The following DEPDC5 variants were observed in gnomAD, a reference collection of about 807,000 sequenced individuals.
DEPDC5 encodes the protein GATOR1 complex protein DEPDC5.
A neutral mutation model predicts 217.3 loss-of-function variants in DEPDC5; 73 were observed. The ratio of observed to expected loss-of-function variants is 0.34; its 90% confidence interval spans 0.28 to 0.41. DEPDC5 has a LOEUF of 0.41. Among genes scored for constraint, DEPDC5 ranks in the 10% least tolerant of loss-of-function variants. The pLI, the probability that DEPDC5 is intolerant of heterozygous loss-of-function variation, is 1.00. For synonymous variants in DEPDC5, 733 were observed against 756.7 expected, an observed-to-expected ratio of 0.97 and a Z score of 0.51; for missense variants, 1,675 against 2,070.1, an observed-to-expected ratio of 0.81 and a Z score of 3.70.
chr22:31,780,297 T>A (rs1181746318), intron 8 of DEPDC5, among the ~76,000 whole-genome samples: 3 of 151,476 alleles, frequency 2.0e-5, no homozygotes, highest in African/African-American at 7.3e-5. Context: ...ATGTGAGGAG[T>A]GAAGGAAAGA....
At chr22:31,901,940 C>T (rs779288798) in intron 41 of DEPDC5, 138 bp downstream of exon 41, 108 of 731,742 alleles carry the variant, frequency 1.5e-4, no homozygotes, top group Non-Finnish European at 1.9e-4. Context: ...CTGCTTATCT[C>T]CAACAGGACT....
intron 22 of DEPDC5, among the ~76,000 whole-genome samples, chr22:31,821,264 A>G (rs552821021): frequency 1.8e-4 from 27 of 152,366 alleles, no homozygotes; most frequent in Admixed American, 1.6e-3. Context: ...CACCTGAGGC[A>G]GAATATCCTA....
At chr22:31,764,818 T>C (rs900835649) in intron 4 of DEPDC5, among the ~76,000 whole-genome samples, 157 bp from the exon 5 acceptor site, 1 of 152,160 alleles carries the variant, frequency 6.6e-6, no homozygotes, top group Admixed American at 6.6e-5. Context: ...AAGCAGAGAA[T>C]TGTTTAAATT....
intron 31 of DEPDC5, among the ~76,000 whole-genome samples, chr22:31,856,155 G>GCACACA (rs136863): frequency 0.016 from 2,239 of 140,640 alleles, 74 homozygotes; most frequent in Admixed American, 0.061. Flanking sequence ...GGGCCAACGC[G>GCACACA]CACACACACA....
intron 24 of DEPDC5, chr22:31,826,349 G>A (rs942757734): frequency 1.4e-5 from 4 of 286,926 alleles, no homozygotes; most frequent in Non-Finnish European, 2.8e-5. Flanking sequence ...AAATTCTTAG[G>A]ACAGTGCTGG....
At chr22:31,812,427 T>C (rs1952067436) in intron 20 of DEPDC5, among the ~76,000 whole-genome samples, 2 of 141,236 alleles carry the variant, frequency 1.4e-5, no homozygotes, top group South Asian at 4.6e-4. Flanking sequence ...TTTCTTTTTT[T>C]TTTTTTTTTT....
At chr22:31,905,013 C>G (rs954088147) in intron 41 of DEPDC5, among the ~76,000 whole-genome samples, 2 of 152,044 alleles carry the variant, frequency 1.3e-5, no homozygotes, top group Non-Finnish European at 2.9e-5. Context: ...ACTTAGAGGG[C>G]AGGAGCCACA....
chr22:31,866,367 AC>A (rs2092689394), intron 33 of DEPDC5, among the ~76,000 whole-genome samples: 3 of 151,768 alleles, frequency 2.0e-5, no homozygotes, highest in Non-Finnish European at 4.4e-5. Context: ...CTAATCTGTG[AC>A]TGTTTCTCAG....
Position 31,812,853 on chromosome 22 carries a change from G to A in DEPDC5, c.1446-2139G>A, listed in dbSNP as rs1179466910. Among the ~76,000 whole-genome samples, 4 of 150,710 alleles carry A rather than the reference G, an allele frequency of 2.7e-5. 1 individual carries two copies. Among genetic ancestry groups the A allele is most frequent in the Non-Finnish European group, 5.9e-5 (4 of 67,828 alleles). ...CCTCCCAGGTTCAAGCAAGTCTTGTGCCTCAGCCTCCCGAGTAGCTGGGAT... is the reference window on the plus strand; with the variant it reads ...CCTCCCAGGTTCAAGCAAGTCTTGTACCTCAGCCTCCCGAGTAGCTGGGAT... On this transcript the variant is annotated intron_variant, in intron 20 of 42. Coordinates refer to ENST00000651528, the MANE Select transcript of DEPDC5 (RefSeq NM_001242896.3).
intron 18 of DEPDC5, among the ~76,000 whole-genome samples, chr22:31,806,533 TGACCAA>T (rs1400993952): frequency 1.3e-5 from 2 of 152,256 alleles, no homozygotes; most frequent in African/African-American, 2.4e-5. Flanking sequence ...GAGAAAAATA[TGACCAA>T]GACCAAGAGT....
intron 9 of DEPDC5, 145 bp downstream of exon 9, chr22:31,784,130 A>G (rs1601806341): frequency 4.4e-6 from 3 of 674,484 alleles, no homozygotes; most frequent in Non-Finnish European, 7.3e-6. Context: ...TTTGGAGGTT[A>G]GAGTGTTTTC....
chr22:31,882,051 G>A (rs940628991), intron 38 of DEPDC5, among the ~76,000 whole-genome samples: 2 of 151,500 alleles, frequency 1.3e-5, no homozygotes, highest in African/African-American at 4.9e-5. Context: ...CAGCAACAAA[G>A]GTGGAGTGGG....
At chr22:31,905,523 C>A (rs750536172) in intron 41 of DEPDC5, among the ~76,000 whole-genome samples, 31 of 151,672 alleles carry the variant, frequency 2.0e-4, no homozygotes, top group African/African-American at 7.5e-4. Context: ...TGGATAGCCT[C>A]GAGTATGCGG....
In DEPDC5 at chr22:31,783,866, A is replaced by C. The variant is rs768930801; in HGVS notation, c.484-41A>C. The stretch of plus-strand genomic sequence containing the variant: ...TTTCATCTTATAGAACTGAAACTGT[A>C]TATGGCATTGCTTTTTAATACAATT... On this transcript the variant is annotated intron_variant, in intron 8 of 42. Coordinates refer to ENST00000651528, the MANE Select transcript of DEPDC5 (RefSeq NM_001242896.3). 8 of 1,565,974 alleles carry C rather than the reference A, an allele frequency of 5.1e-6. No individual in the cohort carries two copies. In the South Asian group the frequency reaches 9.0e-5, roughly 18 times the overall value.
intron 39 of DEPDC5, among the ~76,000 whole-genome samples, chr22:31,897,281 C>G (rs184631120): frequency 6.6e-6 from 1 of 152,186 alleles, no homozygotes. Flanking sequence ...GTGCTTAGCT[C>G]ACAGTTTTTG....
chr22:31,776,572 C>CTTTTTTTTTTTTTTTTTTTTTTTTTTT (rs34058587), intron 7 of DEPDC5, among the ~76,000 whole-genome samples: 1 of 104,172 alleles, frequency 9.6e-6, no homozygotes, highest in African/African-American at 3.8e-5. Flanking sequence ...GTACTATTCA[C>CTTTTTTTTTTTTTTTTTTTTTTTTTTT]TTTTTTTTTT....
intron 37 of DEPDC5, among the ~76,000 whole-genome samples, chr22:31,876,721 G>A (rs2093000290): frequency 6.6e-6 from 1 of 152,168 alleles, no homozygotes; most frequent in African/African-American, 2.4e-5. Flanking sequence ...AGTTTTCCAA[G>A]TAATATTTTA....
At chr22:31,765,220 G>A (rs1240002286) in intron 5 of DEPDC5, among the ~76,000 whole-genome samples, 160 bp downstream of exon 5, 1 of 152,204 alleles carries the variant, frequency 6.6e-6, no homozygotes. Context: ...GGCTGAGACA[G>A]GAGGATCACT....
At chr22:31,898,715 C>T (rs935175616) in intron 40 of DEPDC5, among the ~76,000 whole-genome samples, 2 of 152,190 alleles carry the variant, frequency 1.3e-5, no homozygotes, top group African/African-American at 4.8e-5. Flanking sequence ...CTTCCAAAAG[C>T]CCATCCGTGT....
Sources: allele counts gnomAD v4.1 joint callset (sites outside exome capture counted in the v4.1 genomes callset), GRCh38; gene constraint gnomAD v4.1.1; transcripts MANE v1.5; gene names NCBI Gene and HGNC (gene_info 2026-07-23, HGNC 2026-07-21).